Variants in ACAD9 observed in about 807,000 individuals in gnomAD.
ACAD9 encodes complex I assembly factor ACAD9, mitochondrial.
In ACAD9, 53 loss-of-function variants were observed where a neutral mutation model predicts 70.2. The ratio of observed to expected loss-of-function variants is 0.75; its 90% confidence interval spans 0.61 to 0.95. The LOEUF is 0.95. ACAD9 is among the 40% of genes least tolerant of loss of function. ACAD9 has a pLI of 0.00. For synonymous variants in ACAD9, 313 were observed against 312.1 expected (o/e 1.00, Z -0.03); for missense variants, 777 against 802.8 (o/e 0.97, Z 0.39).
intron 15 of ACAD9, 111 bp downstream of exon 15, chr3:128,909,532 T>C: frequency 8.4e-7 from 1 of 1,187,924 alleles, no homozygotes; most frequent in Non-Finnish European, 1.2e-6. Context: ...AACAGAAATG[T>C]TGATCACCCT....
At chr3:128,888,956 ACT>A (rs1935333028) in intron 2 of ACAD9, among the ~76,000 whole-genome samples, 1 of 149,860 alleles carries the variant, frequency 6.7e-6, no homozygotes, top group Admixed American at 6.6e-5. Flanking sequence ...AATTGCACAC[ACT>A]GTCATGTGAC....
intron 5 of ACAD9, among the ~76,000 whole-genome samples, chr3:128,897,397 C>A (rs1444722315): frequency 1.3e-5 from 2 of 152,130 alleles, no homozygotes; most frequent in African/African-American, 4.8e-5. Flanking sequence ...GGCCAGATCT[C>A]AATCTCTTGA....
chr3:128,903,778 G>C (rs909058536), intron 9 of ACAD9, among the ~76,000 whole-genome samples: 1 of 152,196 alleles, frequency 6.6e-6, no homozygotes, highest in Non-Finnish European at 1.5e-5. Flanking sequence ...GGTGTTCAGG[G>C]AGGTGTCGCA....
At chr3:128,912,193 G>C (rs1936403244) in intron 17 of ACAD9, among the ~76,000 whole-genome samples, 1 of 152,218 alleles carries the variant, frequency 6.6e-6, no homozygotes, top group Non-Finnish European at 1.5e-5. Context: ...TGCTGTGGAG[G>C]GTGCTGAAAT....
rs1191738985 is a variant in ACAD9 at position 128,893,565 on chromosome 3, A to C, written c.255A>C (p.Arg85=). The C allele has an allele frequency of 6.2e-7, 1 of 1,613,936 alleles. No individual in the cohort carries two copies. Among genetic ancestry groups the C allele is most frequent in the African/African-American group, 1.3e-5 (1 of 74,934 alleles). ...TTTTCCTCTTGGCAGTGGACTCCCG[A>C]AAAATTGACCAGGAAGGGAAAATCC... ...EKFFTEEVDS[R]KIDQEGKIPD... is the part of the protein sequence containing the mutation. Residue 85 remains arginine, a synonymous_variant, in exon 3 of 18, where the codon CGA becomes CGC. Coordinates refer to ENST00000308982, the MANE Select transcript of ACAD9 (RefSeq NM_014049.5).
At chr3:128,911,073 C>T (rs948551586) in intron 17 of ACAD9, among the ~76,000 whole-genome samples, 11 of 152,132 alleles carry the variant, frequency 7.2e-5, no homozygotes, top group African/African-American at 1.9e-4. Context: ...GTATTTATTT[C>T]GAGATGGAGT....
intron 5 of ACAD9, 74 bp downstream of exon 5, chr3:128,896,610 T>C (rs1935577879): frequency 1.4e-6 from 2 of 1,476,982 alleles, no homozygotes; most frequent in Non-Finnish European, 1.9e-6. Flanking sequence ...AAGGGGCTGT[T>C]GGTTTTGTTG....
rs748724880 is a variant in ACAD9 at position 128,904,369 on chromosome 3, T to C, written c.1030-17T>C. The C allele has an allele frequency of 1.9e-6, 3 of 1,614,114 alleles. No homozygotes were observed. Among genetic ancestry groups the C allele is most frequent in the Non-Finnish European group, 2.5e-6 (3 of 1,180,044 alleles). ...GCACATGCAAATTGTTTCTTGTGTT[T>C]TTTCTGAACACTCCAGGAGAAATTT... On this transcript the variant is annotated splice_polypyrimidine_tract_variant and intron_variant, in intron 10 of 17. Transcript: ENST00000308982.
Position 128,884,755 on chromosome 3 carries a change from G to A in ACAD9, c.244+9G>A, listed in dbSNP as rs760918247. ...ATTCTTCACTGAAGAGGGTATGTAT[G>A]GTTTTCTTTACCATTGCCGATTTCC... On this transcript the variant is annotated intron_variant, in intron 2 of 17. Coordinates refer to ENST00000308982, the MANE Select transcript of ACAD9 (RefSeq NM_014049.5). 3.1e-6 allele frequency: 5 copies of A among 1,603,380 alleles called. No homozygotes were observed. Among genetic ancestry groups the A allele is most frequent in the Non-Finnish European group, 4.3e-6 (5 of 1,170,814 alleles).
rs562323609 is a variant in ACAD9, at chr3:128,902,859, G to C, written c.958+231G>C. Among the ~76,000 whole-genome samples, 197 of 152,302 alleles carry C rather than the reference G, an allele frequency of 1.3e-3. No individual in the cohort carries two copies. Among genetic ancestry groups the C allele is most frequent in the Non-Finnish European group, 2.6e-3 (175 of 68,014 alleles). ...CACCTCCACCCGGGTGATGCTGACT[G>C]GGGGACAGGCTTTCTGTCTGGGGTG... On this transcript the variant is annotated intron_variant, in intron 9 of 17. Transcript: ENST00000308982. This position sits in a 1 kb window ranked among gnomAD's most constrained non-coding sequence, Gnocchi z 4.0.
chr3:128,889,187 T>A (rs986185325), intron 2 of ACAD9, among the ~76,000 whole-genome samples: 1 of 151,096 alleles, frequency 6.6e-6, no homozygotes, highest in African/African-American at 2.4e-5. Flanking sequence ...AAACAAAAAA[T>A]ATTTAACAGT....
At chr3:128,887,238 AAG>A (rs1295092273) in intron 2 of ACAD9, among the ~76,000 whole-genome samples, 1 of 152,042 alleles carries the variant, frequency 6.6e-6, no homozygotes, top group African/African-American at 2.4e-5. Flanking sequence ...CATTTAAAGC[AAG>A]AAACACACAC....
At chr3:128,895,572 G>T (rs1440196705) in intron 4 of ACAD9, among the ~76,000 whole-genome samples, 156 bp downstream of exon 4, 1 of 152,184 alleles carries the variant, frequency 6.6e-6, no homozygotes, top group Middle Eastern at 3.2e-3. Context: ...ACCTCATGGT[G>T]CTCAATCCTC....
At chr3:128,882,602 T>C (rs527408169) in intron 1 of ACAD9, among the ~76,000 whole-genome samples, 1 of 152,282 alleles carries the variant, frequency 6.6e-6, no homozygotes, top group South Asian at 2.1e-4. Context: ...GGACCCAAGC[T>C]ATTCATGGAG....
chr3:128,912,724 C>G lies in ACAD9; in HGVS notation c.*117C>G, dbSNP rs371702061. 85 of 978,046 alleles carry G rather than the reference C, an allele frequency of 8.7e-5. No individual in the cohort carries two copies. The highest frequency in any genetic ancestry group is 1.3e-4 in the Non-Finnish European group (78 of 611,090). The allele number at this position is 978,046 out of a possible 1,614,324, so 60.6% of individuals were successfully genotyped here. A position where few individuals can be genotyped will look rare whatever the true frequency, so the allele number is the denominator to read the frequency against. On this transcript the variant is annotated 3_prime_UTR_variant, in exon 18 of 18. Coordinates refer to ENST00000308982, the MANE Select transcript of ACAD9 (RefSeq NM_014049.5). ...ATCACAGGTTAAGCCTTTTGTTCCC[C>G]GTCTGCACCTGAAGGGTTGTCGCCT... is the stretch of plus-strand genomic sequence containing the variant.
At chr3:128,897,494 C>T in intron 5 of ACAD9, 138 bp from the exon 6 acceptor site, 1 of 757,598 alleles carries the variant, frequency 1.3e-6, no homozygotes, top group Non-Finnish European at 2.3e-6. Flanking sequence ...GCTTGGAAAG[C>T]TGAATATGTT....
chr3:128,896,052 G>T (rs901331059), intron 4 of ACAD9, among the ~76,000 whole-genome samples: 1 of 152,252 alleles, frequency 6.6e-6, no homozygotes, highest in African/African-American at 2.4e-5. Context: ...GCACTCCTGT[G>T]TCTTCACATT....
chr3:128,900,481 G>A (rs62268192), intron 7 of ACAD9, among the ~76,000 whole-genome samples: 7,142 of 150,466 alleles, frequency 0.047, 350 homozygotes, highest in African/African-American at 0.12. Context: ...CTCGTGATCC[G>A]CTCACCTCGG....
At chr3:128,911,811 G>A (rs980077117) in intron 17 of ACAD9, among the ~76,000 whole-genome samples, 1 of 152,202 alleles carries the variant, frequency 6.6e-6, no homozygotes, top group African/African-American at 2.4e-5. Flanking sequence ...ACCTGATTCT[G>A]GAGACAGCAT....
Sources: allele counts gnomAD v4.1 joint callset (sites outside exome capture counted in the v4.1 genomes callset), GRCh38; gene constraint gnomAD v4.1.1; non-coding constraint Gnocchi (gnomAD v3.1); transcripts MANE v1.5; gene names NCBI Gene and HGNC (gene_info 2026-07-23, HGNC 2026-07-21).